CSMD3: variants seen among roughly 807,000 people sequenced by gnomAD.
CSMD3 encodes the protein CUB and Sushi multiple domains 3.
In CSMD3, 177 loss-of-function variants were observed where a neutral mutation model predicts 435.2. The ratio of observed to expected loss-of-function variants is 0.41; its 90% CI spans 0.36 to 0.46. The LOEUF (loss-of-function observed/expected upper bound fraction) is 0.46, where lower values mean the gene tolerates loss of function less well. CSMD3 is among the 20% of genes least tolerant of loss of function. The probability of loss-of-function intolerance (pLI) is 0.34; values close to 1 mark genes in which losing one functional copy is unlikely to be tolerated. For synonymous variants in CSMD3, 1,656 were observed against 1,520.5 expected (o/e 1.09, Z -2.07); for missense variants, 4,265 against 4,504.6 (o/e 0.95, Z 1.52).
chr8:113,107,764 T>G (rs888420841), intron 4 of CSMD3, among the ~76,000 whole-genome samples: 20 of 152,310 alleles, frequency 1.3e-4, no homozygotes, highest in Non-Finnish European at 2.2e-4. Context: ...GCTATATGTT[T>G]ATGATGGCAG....
rs947895098 is a variant in CSMD3 at position 112,231,466 on chromosome 8, T to C, written c.10828+79A>G. On this transcript the variant is annotated intron_variant, in intron 69 of 70. Coordinates refer to ENST00000297405, the MANE Select transcript of CSMD3 (RefSeq NM_198123.2). ...TTTATAATGCAGTAAGTGTACCTAA[T>C]GTACAGAATCCACAGTCTTTTTTTT... The C allele has an allele frequency of 5.6e-6, 5 of 889,818 alleles. No homozygotes were observed. The African/African-American group carries it at 6.6e-5, about 12-fold the overall frequency. The allele number at this position is 889,818 out of a possible 1,614,324, so 55.1% of individuals were successfully genotyped here.
intron 10 of CSMD3, among the ~76,000 whole-genome samples, chr8:112,889,445 T>G (rs2081712857): frequency 1.3e-5 from 2 of 151,604 alleles, no homozygotes; most frequent in Admixed American, 1.3e-4. Flanking sequence ...AAAAGGAAGT[T>G]TGGGCTTTAT....
chr8:112,865,947 G>A (rs1295751693), intron 10 of CSMD3, among the ~76,000 whole-genome samples: 2 of 151,958 alleles, frequency 1.3e-5, no homozygotes, highest in Admixed American at 1.3e-4. Flanking sequence ...TTTCCCCTTT[G>A]GGCTTTGGTA....
rs77338026 is a variant in CSMD3, at chr8:112,396,307, A to T, written c.5810-5519T>A. ...AACTGAGCATTCATTGAACTAAGAC[A>T]GAAAAACAATCATCATGTATAAAAC... On this transcript the variant is annotated intron_variant, in intron 35 of 70. Transcript: ENST00000297405. Among the ~76,000 whole-genome samples the T allele has an allele frequency of 8.6e-4, 131 of 152,298 alleles. 1 individual carries two copies. Among genetic ancestry groups the T allele is most frequent in the African/African-American group, 2.9e-3 (120 of 41,560 alleles).
At chr8:112,377,701 T>G (rs1829076228) in intron 38 of CSMD3, among the ~76,000 whole-genome samples, 1 of 150,810 alleles carries the variant, frequency 6.6e-6, no homozygotes, top group African/African-American at 2.4e-5. Context: ...TGTATAGAAA[T>G]CAATAAATGT....
At chr8:112,775,807 TGCA>T (rs2078231844) in intron 13 of CSMD3, among the ~76,000 whole-genome samples, 2 of 152,020 alleles carry the variant, frequency 1.3e-5, no homozygotes, top group East Asian at 3.9e-4. Context: ...CTTCCATCTT[TGCA>T]TAAAATATAC....
chr8:112,732,769 A>T (rs1286038796), intron 13 of CSMD3, among the ~76,000 whole-genome samples: 1 of 152,020 alleles, frequency 6.6e-6, no homozygotes, highest in Non-Finnish European at 1.5e-5. Flanking sequence ...AGAATTCCTG[A>T]TGTCAAACAG....
At chr8:112,540,067 A>C (rs1406029170) in intron 27 of CSMD3, among the ~76,000 whole-genome samples, 1 of 152,002 alleles carries the variant, frequency 6.6e-6, no homozygotes, top group East Asian at 1.9e-4. Context: ...AAAACACAAC[A>C]AAACAAACTA....
intron 4 of CSMD3, among the ~76,000 whole-genome samples, chr8:113,137,175 A>G (rs571585418): frequency 6.6e-6 from 1 of 151,838 alleles, no homozygotes; most frequent in South Asian, 2.1e-4. Flanking sequence ...TCAAGTTCTC[A>G]GTTGTAATAT....
intron 54 of CSMD3, among the ~76,000 whole-genome samples, chr8:112,295,551 T>A (rs1424222465): frequency 6.6e-6 from 1 of 151,884 alleles, no homozygotes; most frequent in Non-Finnish European, 1.5e-5. Context: ...GTTGATAATG[T>A]GTCTTCCATA....
chr8:112,399,102 A>G (rs1831102499), intron 35 of CSMD3, among the ~76,000 whole-genome samples: 1 of 151,778 alleles, frequency 6.6e-6, no homozygotes, highest in African/African-American at 2.4e-5. Flanking sequence ...TTTTTAGTAG[A>G]GACCAGGTTT....
At chr8:112,774,991 A>G (rs905022353) in intron 13 of CSMD3, among the ~76,000 whole-genome samples, 1 of 151,870 alleles carries the variant, frequency 6.6e-6, no homozygotes, top group African/African-American at 2.4e-5. Flanking sequence ...GTACTTATAG[A>G]TAGGCCTTTG....
At chr8:112,225,349 A>G (rs1812467194) in intron 70 of CSMD3, among the ~76,000 whole-genome samples, 1 of 151,992 alleles carries the variant, frequency 6.6e-6, no homozygotes, top group African/African-American at 2.4e-5. Flanking sequence ...TGGGTATATC[A>G]TTTTTTTAAA....
chr8:112,748,249 T>C (rs965125816), intron 13 of CSMD3, among the ~76,000 whole-genome samples: 1 of 152,072 alleles, frequency 6.6e-6, no homozygotes, highest in African/African-American at 2.4e-5. Context: ...AATAGGAAAA[T>C]ATATGATGGC....
intron 5 of CSMD3, among the ~76,000 whole-genome samples, chr8:113,042,631 T>C (rs910640431): frequency 6.6e-6 from 1 of 152,168 alleles, no homozygotes; most frequent in African/African-American, 2.4e-5. Flanking sequence ...ATGTGTCTTT[T>C]CCTTTCAAAA....
intron 69 of CSMD3, among the ~76,000 whole-genome samples, chr8:112,229,582 C>G (rs910415860): frequency 6.6e-6 from 1 of 151,990 alleles, no homozygotes; most frequent in Non-Finnish European, 1.5e-5. Context: ...GCACATGCAA[C>G]CACACCTGGC....
intron 10 of CSMD3, 50 bp downstream of exon 10, chr8:112,921,577 A>C (rs1283049144): frequency 6.9e-7 from 1 of 1,452,282 alleles, no homozygotes; most frequent in Admixed American, 1.7e-5. Flanking sequence ...CAATGAAATA[A>C]AGGTTAAACT....
chr8:112,776,629 A>T (rs2078252992), intron 13 of CSMD3, among the ~76,000 whole-genome samples: 1 of 151,790 alleles, frequency 6.6e-6, no homozygotes, highest in South Asian at 2.1e-4. Flanking sequence ...GCCTTAAGAC[A>T]TATTGTGAGC....
chr8:113,268,810 A>C (rs1588411011), intron 3 of CSMD3, among the ~76,000 whole-genome samples: 1 of 152,100 alleles, frequency 6.6e-6, no homozygotes, highest in Admixed American at 6.6e-5. Context: ...AATGGAAAAA[A>C]TGTGGCATAT....
Sources: gnomAD v4.1 joint callset for allele counts (sites outside exome capture counted in the v4.1 genomes callset) on GRCh38, gnomAD v4.1.1 for gene constraint, MANE v1.5 for transcripts, NCBI Gene and HGNC (gene_info 2026-07-23, HGNC 2026-07-21) for gene names.